CCDC18: variants seen among roughly 807,000 people sequenced by gnomAD.
CCDC18 encodes the protein coiled-coil domain containing 18.
A neutral mutation model predicts 196.0 loss-of-function variants in CCDC18; 157 were observed. The observed-to-expected ratio is 0.80, with a 90% CI of 0.70 to 0.91. The LOEUF (loss-of-function observed/expected upper bound fraction) is 0.91, where lower values mean the gene tolerates loss of function less well. CCDC18 is among the 40% of genes least tolerant of loss of function. The pLI is 0.00. For synonymous variants in CCDC18, 482 were observed against 529.2 expected (o/e 0.91, Z 1.22); for missense variants, 1,465 against 1,611.6 (o/e 0.91, Z 1.56).
chr1:93,248,366 G>A (rs1325275553), intron 23 of CCDC18, among the ~76,000 whole-genome samples: 1 of 152,054 alleles, frequency 6.6e-6, no homozygotes, highest in South Asian at 2.1e-4. Context: ...ATGTGAAGAT[G>A]TTGAATTTTA....
At chr1:93,204,999 C>T (rs1654496063) in intron 7 of CCDC18, among the ~76,000 whole-genome samples, 1 of 151,906 alleles carries the variant, frequency 6.6e-6, no homozygotes, top group East Asian at 1.9e-4. Flanking sequence ...TGTTTTTTTA[C>T]ACTTAGGATT....
chr1:93,275,481 C>T (rs772819475), intron 28 of CCDC18, among the ~76,000 whole-genome samples: 2 of 152,172 alleles, frequency 1.3e-5, no homozygotes, highest in Non-Finnish European at 2.9e-5. Context: ...CTTATTTCAC[C>T]TGCCACTTAA....
At chr1:93,199,600 C>T (rs1653463103) in intron 6 of CCDC18, among the ~76,000 whole-genome samples, 1 of 152,208 alleles carries the variant, frequency 6.6e-6, no homozygotes, top group Non-Finnish European at 1.5e-5. Context: ...GGGCGTGTTT[C>T]AGCCATTTGT....
intron 27 of CCDC18, among the ~76,000 whole-genome samples, chr1:93,268,504 G>A (rs569802658): frequency 0.081 from 12,294 of 151,892 alleles, 1,617 homozygotes; most frequent in African/African-American, 0.28. Flanking sequence ...CCTACAGAAT[G>A]GGAGAAAATT....
At position 93,264,827 on chromosome 1, in the gene CCDC18, G is replaced by T; in HGVS notation, c.3811G>T (p.Val1271Leu). The T allele has an allele frequency of 6.2e-7, 1 of 1,613,530 alleles. No homozygotes were observed. Residue 1271 changes from valine to leucine, a missense_variant, in exon 27 of 29, where the codon GTA becomes TTA. Transcript: ENST00000690025. ...GGAATTAGAAGAAGCTCAGGATACT[G>T]TAAGCAATTTGCATCAACAAGTCCA... is the stretch of plus-strand genomic sequence containing the variant. ...KLELEEAQDT[V>L]SNLHQQVQDR...
Position 93,195,563 on chromosome 1 carries a change from G to A in CCDC18, c.698+1819G>A, listed in dbSNP as rs552677494. Among the ~76,000 whole-genome samples, 55 of 152,332 alleles carry A rather than the reference G, an allele frequency of 3.6e-4. 1 individual carries two copies. The highest frequency in any genetic ancestry group is 1.3e-3 in the African/African-American group (55 of 41,572). ...TAATCCCAACGCAACACTGTTGGGA[G>A]GTGGGGCATTTTAGAGGTACTTAGG... On this transcript the variant is annotated intron_variant, in intron 6 of 28. Transcript: ENST00000690025.
At chr1:93,226,521 CAA>C (rs1401538620) in intron 17 of CCDC18, 72 bp downstream of exon 17, 12 of 504,180 alleles carry the variant, frequency 2.4e-5, no homozygotes, top group Non-Finnish European at 3.4e-5. Context: ...AGATGTAGGA[CAA>C]AATATATATA....
At chr1:93,200,153 T>C (rs1653574923) in intron 6 of CCDC18, among the ~76,000 whole-genome samples, 1 of 152,038 alleles carries the variant, frequency 6.6e-6, no homozygotes. Context: ...CCCAGTTAAC[T>C]TTTTGTAGAG....
intron 21 of CCDC18, among the ~76,000 whole-genome samples, chr1:93,244,114 T>G (rs1432381800): frequency 6.6e-6 from 1 of 152,222 alleles, no homozygotes; most frequent in Non-Finnish European, 1.5e-5. Context: ...CAGTTCCACG[T>G]GGCTGGGGAG....
intron 2 of CCDC18, among the ~76,000 whole-genome samples, chr1:93,183,700 A>G (rs1024156559): frequency 6.6e-6 from 1 of 152,074 alleles, no homozygotes; most frequent in African/African-American, 2.4e-5. Context: ...CTTTCAGTGT[A>G]TTAGAACTCA....
intron 24 of CCDC18, 142 bp from the exon 25 acceptor site, chr1:93,256,193 G>A: frequency 1.5e-6 from 1 of 669,682 alleles, no homozygotes; most frequent in South Asian, 2.0e-5. Context: ...GATACTCATT[G>A]TATGTTAAAT....
chr1:93,229,559 T>C (rs530666077), intron 17 of CCDC18, among the ~76,000 whole-genome samples: 1 of 152,334 alleles, frequency 6.6e-6, no homozygotes, highest in East Asian at 1.9e-4. Context: ...GCCCCAATCA[T>C]ATAACTCACT....
chr1:93,212,046 G>T, intron 10 of CCDC18, 55 bp from the exon 11 acceptor site: 1 of 1,422,092 alleles, frequency 7.0e-7, no homozygotes, highest in South Asian at 1.3e-5. Context: ...AGTACAGTAT[G>T]AGTTTTTTTA....
At chr1:93,250,378 C>CAAAAAA (rs71094242) in intron 23 of CCDC18, among the ~76,000 whole-genome samples, 9 of 89,342 alleles carry the variant, frequency 1.0e-4, no homozygotes, top group African/African-American at 1.9e-4. Context: ...GAGACCCTGT[C>CAAAAAA]AAAAAAAAAA....
chr1:93,246,044 AC>A (rs1333036230), intron 21 of CCDC18, 60 bp from the exon 22 acceptor site: 1 of 1,171,162 alleles, frequency 8.5e-7, no homozygotes. Context: ...GGTTGACCTA[AC>A]TTTTTAAAAT....
chr1:93,180,373 C>T (rs1649311588), upstream of CCDC18: 9 of 1,281,846 alleles, frequency 7.0e-6, no homozygotes, highest in Non-Finnish European at 9.6e-6. Context: ...GCGGCCGCGG[C>T]GGCGGCGAAC....
At chr1:93,215,989 G>A (rs987113178) in intron 12 of CCDC18, among the ~76,000 whole-genome samples, 6 of 152,206 alleles carry the variant, frequency 3.9e-5, no homozygotes, top group Non-Finnish European at 8.8e-5. Flanking sequence ...CTTCAAACCA[G>A]AGGCTGCAGT....
intron 24 of CCDC18, among the ~76,000 whole-genome samples, chr1:93,255,483 C>T (rs541193582): frequency 6.6e-6 from 1 of 152,114 alleles, no homozygotes; most frequent in Non-Finnish European, 1.5e-5. Flanking sequence ...ATAATCCCAG[C>T]ATTTTGGGAG....
intron 17 of CCDC18, 123 bp from the exon 18 acceptor site, chr1:93,232,303 T>A (rs1407099909): frequency 1.7e-6 from 1 of 601,844 alleles, no homozygotes; most frequent in Admixed American, 2.9e-5. Context: ...ACTATAGACA[T>A]GAATGCAATT....
Sources: allele counts gnomAD v4.1 joint callset (sites outside exome capture counted in the v4.1 genomes callset), GRCh38; gene constraint gnomAD v4.1.1; transcripts MANE v1.5; gene names NCBI Gene and HGNC (gene_info 2026-07-23, HGNC 2026-07-21).